NARS2: variants seen among roughly 807,000 people sequenced by gnomAD.
NARS2 encodes the protein asparaginyl-tRNA synthetase.
NARS2 carries 60 observed loss-of-function variants against 62.9 expected under a neutral mutation model. That is an observed-to-expected ratio of 0.95 (90% CI 0.77 to 1.18). The LOEUF (loss-of-function observed/expected upper bound fraction) is 1.18. NARS2 is among the 50% of genes most tolerant of loss of function. The pLI is 0.00. For missense variants in NARS2, 619 were observed against 576.4 expected (o/e 1.07, Z -0.76); for synonymous variants, 196 against 200.0 (o/e 0.98, Z 0.17).
intron 11 of NARS2, among the ~76,000 whole-genome samples, chr11:78,464,066 T>C (rs967446730): frequency 2.0e-5 from 3 of 152,152 alleles, no homozygotes; most frequent in African/African-American, 7.2e-5. Context: ...TTCCTTCTGA[T>C]GTTCGGATGT....
At chr11:78,513,374 C>A (rs1351533283) in intron 6 of NARS2, among the ~76,000 whole-genome samples, 1 of 151,010 alleles carries the variant, frequency 6.6e-6, no homozygotes, top group Non-Finnish European at 1.5e-5. Flanking sequence ...CTATTAACCA[C>A]CCCCACTTCA....
intron 5 of NARS2, among the ~76,000 whole-genome samples, chr11:78,538,569 T>C (rs1290272555): frequency 1.3e-5 from 2 of 152,024 alleles, no homozygotes; most frequent in Non-Finnish European, 2.9e-5. Context: ...TGCTATACTA[T>C]AAACTGGGAA....
At chr11:78,493,493 C>CA (rs1383858927) in intron 6 of NARS2, among the ~76,000 whole-genome samples, 2 of 151,902 alleles carry the variant, frequency 1.3e-5, no homozygotes, top group Non-Finnish European at 2.9e-5. Flanking sequence ...TTTATCTCTA[C>CA]AAAAAATCCT....
chr11:78,438,252 C>T (rs997517834), intron 13 of NARS2, among the ~76,000 whole-genome samples: 27 of 151,634 alleles, frequency 1.8e-4, no homozygotes, highest in African/African-American at 6.3e-4. Flanking sequence ...GGTAAGAGAC[C>T]AACATTACAG....
At chr11:78,545,525 T>A (rs796907726) in intron 5 of NARS2, among the ~76,000 whole-genome samples, 40 of 118,154 alleles carry the variant, frequency 3.4e-4, no homozygotes, top group African/African-American at 2.0e-3. Flanking sequence ...TGCTTTTTCC[T>A]TTTTTTTTTT....
intron 6 of NARS2, among the ~76,000 whole-genome samples, chr11:78,504,441 T>TGG (rs1860410012): frequency 6.6e-6 from 1 of 151,562 alleles, no homozygotes; most frequent in African/African-American, 2.4e-5. Flanking sequence ...CCAGTTTTTT[T>TGG]TTTTTTTTTT....
intron 5 of NARS2, among the ~76,000 whole-genome samples, chr11:78,533,778 C>T (rs923573654): frequency 6.6e-6 from 1 of 152,134 alleles, no homozygotes; most frequent in Admixed American, 6.5e-5. Flanking sequence ...GTTTCACTGC[C>T]CTAAAAATAT....
intron 6 of NARS2, among the ~76,000 whole-genome samples, chr11:78,516,171 G>T (rs1355382555): frequency 1.3e-5 from 2 of 152,198 alleles, no homozygotes; most frequent in African/African-American, 4.8e-5. Flanking sequence ...ATTTATTCAA[G>T]TATAATATAT....
chr11:78,515,530 C>G, intron 6 of NARS2, among the ~76,000 whole-genome samples: 1 of 152,044 alleles, frequency 6.6e-6, no homozygotes, highest in East Asian at 1.9e-4. Context: ...ACTTTTATTT[C>G]TTTTAAGAGA....
chr11:78,545,265 C>T (rs901478674), intron 5 of NARS2, among the ~76,000 whole-genome samples: 5 of 151,974 alleles, frequency 3.3e-5, no homozygotes, highest in Non-Finnish European at 7.4e-5. Flanking sequence ...TTCTTTTTTA[C>T]AAAAGTGTTA....
At chr11:78,557,145 C>T (rs893196927) in intron 5 of NARS2, among the ~76,000 whole-genome samples, 1 of 152,214 alleles carries the variant, frequency 6.6e-6, no homozygotes, top group Admixed American at 6.5e-5. Context: ...CATGCATTCA[C>T]TTCTCAACAG....
chr11:78,449,722 C>T (rs2135159301), intron 11 of NARS2, among the ~76,000 whole-genome samples: 1 of 152,202 alleles, frequency 6.6e-6, no homozygotes, highest in Non-Finnish European at 1.5e-5. Context: ...CTCAACTGTG[C>T]ACTGTGGGAT....
intron 5 of NARS2, among the ~76,000 whole-genome samples, chr11:78,530,651 T>C (rs1164624641): frequency 6.6e-6 from 1 of 152,138 alleles, no homozygotes; most frequent in African/African-American, 2.4e-5. Context: ...TTTTGTATTT[T>C]TAGTAGAGAT....
At chr11:78,514,246 C>T (rs1860824417) in intron 6 of NARS2, among the ~76,000 whole-genome samples, 1 of 152,174 alleles carries the variant, frequency 6.6e-6, no homozygotes, top group Non-Finnish European at 1.5e-5. Flanking sequence ...CCTCAGCCTC[C>T]CGAGTAGCTG....
intron 6 of NARS2, among the ~76,000 whole-genome samples, chr11:78,500,530 G>C (rs1408942277): frequency 1.3e-5 from 2 of 152,024 alleles, no homozygotes; most frequent in Admixed American, 1.3e-4. Flanking sequence ...CTGGGGTGCA[G>C]TGGCACAAAC....
intron 5 of NARS2, among the ~76,000 whole-genome samples, chr11:78,554,508 C>CGCGTGTGTGTGTGTGTGTGT (rs1555041422): frequency 6.8e-6 from 1 of 146,914 alleles, no homozygotes. Flanking sequence ...GGCGTGTGTG[C>CGCGTGTGTGTGTGTGTGTGT]GTGTGTGTGT....
chr11:78,499,125 C>T (rs1163266293), intron 6 of NARS2, among the ~76,000 whole-genome samples: 1 of 151,796 alleles, frequency 6.6e-6, no homozygotes, highest in African/African-American at 2.4e-5. Context: ...ACGGTGTTAG[C>T]CAGGATGGTC....
rs372573042 is a variant in NARS2 at position 78,504,610 on chromosome 11, T to G, written c.690-11415A>C. Among the ~76,000 whole-genome samples, 41 of 152,236 alleles carry G rather than the reference T, an allele frequency of 2.7e-4. No homozygotes were observed. The East Asian group carries it at 6.6e-3, about 24-fold the overall frequency. On this transcript the variant is annotated intron_variant, in intron 6 of 13. Coordinates refer to ENST00000281038, the MANE Select transcript of NARS2 (RefSeq NM_024678.6). ...AACCATGACTGAATTTATTGGCAAT[T>G]TTTTCTAAAGGAGCAAAGATAAAAT...
chr11:78,542,999 T>G (rs1855686826), intron 5 of NARS2, among the ~76,000 whole-genome samples: 1 of 152,174 alleles, frequency 6.6e-6, no homozygotes, highest in South Asian at 2.1e-4. Context: ...TGGTTGCCCT[T>G]TACCTCTGGC....
Sources: allele counts gnomAD v4.1 joint callset (sites outside exome capture counted in the v4.1 genomes callset), GRCh38; gene constraint gnomAD v4.1.1; transcripts MANE v1.5; gene names NCBI Gene and HGNC (gene_info 2026-07-23, HGNC 2026-07-21).